MECOM: variants seen among roughly 807,000 people sequenced by gnomAD.
MECOM encodes MDS1 and EVI1 complex locus, also known as histone-lysine N-methyltransferase MECOM.
In MECOM, 13 loss-of-function variants were observed where a neutral mutation model predicts 116.3. The ratio of observed to expected loss-of-function variants is 0.11; its 90% CI spans 0.07 to 0.18. The LOEUF is 0.18. Ranked by LOEUF, MECOM falls within the 10% of genes least tolerant of loss-of-function variation. The probability of loss-of-function intolerance (pLI) is 1.00; values close to 1 mark genes in which losing one functional copy is unlikely to be tolerated. For synonymous variants in MECOM, 528 were observed against 535.2 expected (o/e 0.99, Z 0.19); for missense variants, 1,299 against 1,509.0 (o/e 0.86, Z 2.31).
At chr3:169,523,447 T>C (rs62295974) in intron 1 of MECOM, among the ~76,000 whole-genome samples, 1 of 139,284 alleles carries the variant, frequency 7.2e-6, no homozygotes, top group Middle Eastern at 3.6e-3. Flanking sequence ...TTTTTTTTTT[T>C]CCTAAGAGAG....
chr3:169,200,387 A>G lies in MECOM; in HGVS notation c.376-56555T>C, dbSNP rs930289008. On this transcript the variant is annotated intron_variant, in intron 2 of 16. Coordinates refer to ENST00000651503, the MANE Select transcript of MECOM (RefSeq NM_004991.4). ...TAATTTCAAATTATATGATAGATGT[A>G]TCCAAACTCACTTTTTATTTAATTA... Among the ~76,000 whole-genome samples the G allele has an allele frequency of 2.6e-5, 4 of 152,214 alleles. No homozygotes were observed. The East Asian group carries it at 7.7e-4, about 29-fold the overall frequency.
chr3:169,191,770 G>GAAAGAAAGAA (rs1559973988), intron 2 of MECOM, among the ~76,000 whole-genome samples: 53 of 136,624 alleles, frequency 3.9e-4, no homozygotes, highest in African/African-American at 1.5e-3. Flanking sequence ...AAGAAAGAAA[G>GAAAGAAAGAA]AAAGAAAGAA....
intron 2 of MECOM, among the ~76,000 whole-genome samples, chr3:169,298,085 T>C (rs2149708110): frequency 6.6e-6 from 1 of 152,280 alleles, no homozygotes; most frequent in Non-Finnish European, 1.5e-5. Context: ...AACAAACACA[T>C]TTCTTTTTAA....
At chr3:169,146,765 A>T in intron 2 of MECOM, 2 of 1,163,840 alleles carry the variant, frequency 1.7e-6, no homozygotes, top group South Asian at 1.8e-5. Context: ...ATAGGCATTC[A>T]CAGAAGAATC....
chr3:169,508,356 A>G (rs918061089), intron 1 of MECOM, among the ~76,000 whole-genome samples: 1 of 152,302 alleles, frequency 6.6e-6, no homozygotes, highest in African/African-American at 2.4e-5. Flanking sequence ...AAACTGGTGA[A>G]TGACACAAAA....
At chr3:169,256,629 G>A (rs1756898580) in intron 2 of MECOM, among the ~76,000 whole-genome samples, 1 of 152,198 alleles carries the variant, frequency 6.6e-6, no homozygotes, top group Non-Finnish European at 1.5e-5. Context: ...TAGTCCAAGA[G>A]GTAACACATC....
intron 9 of MECOM, among the ~76,000 whole-genome samples, chr3:169,109,704 C>T (rs1437324183): frequency 6.6e-6 from 1 of 152,196 alleles, no homozygotes; most frequent in African/African-American, 2.4e-5. Context: ...GCATGAGTCA[C>T]CGCACCCGGC....
Position 169,524,975 on chromosome 3 carries a change from T to TA in MECOM, c.37+138360dup, listed in dbSNP as rs10718770. 0.02 allele frequency among the ~76,000 whole-genome samples: 2,966 copies of TA among 147,112 alleles called. 226 individuals carry two copies. In the East Asian group the frequency reaches 0.3, roughly 15 times the overall value. On this transcript the variant is annotated intron_variant, in intron 1 of 16. Transcript: ENST00000651503. ...TAGAAAACTAAACTGCATACTTGTT[T>TA]AAAAAAAAAAAAGACATATTGTGAG...
chr3:169,239,298 C>G (rs1754484558), intron 2 of MECOM, among the ~76,000 whole-genome samples: 1 of 151,342 alleles, frequency 6.6e-6, no homozygotes, highest in Admixed American at 6.6e-5. Flanking sequence ...TAATGTAATA[C>G]CAATAAGGAG....
chr3:169,165,501 T>C (rs1559941144), intron 2 of MECOM, among the ~76,000 whole-genome samples: 1 of 152,292 alleles, frequency 6.6e-6, no homozygotes, highest in East Asian at 1.9e-4. Flanking sequence ...TCATGCTAAA[T>C]ACAAGAGATC....
intron 12 of MECOM, among the ~76,000 whole-genome samples, chr3:169,100,184 C>T (rs1346308269): frequency 6.7e-6 from 1 of 149,494 alleles, no homozygotes; most frequent in Non-Finnish European, 1.5e-5. Flanking sequence ...CTGCAACCTC[C>T]ACCTCCCAGG....
At chr3:169,412,215 G>T (rs1193985855) in intron 1 of MECOM, among the ~76,000 whole-genome samples, 2 of 151,354 alleles carry the variant, frequency 1.3e-5, no homozygotes, top group African/African-American at 2.4e-5. Flanking sequence ...GAACCCAGGA[G>T]GCGGAGGTTG....
intron 1 of MECOM, among the ~76,000 whole-genome samples, chr3:169,408,906 T>C (rs1404094843): frequency 6.6e-6 from 1 of 152,128 alleles, no homozygotes; most frequent in East Asian, 1.9e-4. Context: ...ACAGATTTGA[T>C]ATTGGCAATC....
intron 1 of MECOM, among the ~76,000 whole-genome samples, chr3:169,599,658 C>G (rs1767588265): frequency 6.6e-6 from 1 of 152,138 alleles, no homozygotes; most frequent in African/African-American, 2.4e-5. Context: ...ACAATCAATT[C>G]TCTCACTGGG....
chr3:169,085,056 GGA>G lies in MECOM; in HGVS notation c.3586-15_3586-14del, dbSNP rs1717207577. 4 of 1,613,568 alleles carry G rather than the reference GGA, an allele frequency of 2.5e-6. No individual in the cohort carries two copies. Among genetic ancestry groups the G allele is most frequent in the South Asian group, 2.2e-5 (2 of 90,994 alleles). On this transcript the variant is annotated splice_polypyrimidine_tract_variant and intron_variant, in intron 16 of 16. Coordinates refer to ENST00000651503, the MANE Select transcript of MECOM (RefSeq NM_004991.4). Reference sequence around the variant, plus strand: ...TCATAGCATATGCCTGGGGTAAAAAGGAGAGAGACTCAGTAAATGGCATTTGA... The same window carrying G: ...TCATAGCATATGCCTGGGGTAAAAAGGAGAGACTCAGTAAATGGCATTTGA...
intron 1 of MECOM, among the ~76,000 whole-genome samples, chr3:169,496,946 C>A (rs1248856999): frequency 6.6e-6 from 1 of 152,214 alleles, no homozygotes; most frequent in African/African-American, 2.4e-5. Flanking sequence ...GCCAAGCATG[C>A]ATAAACTTTA....
intron 1 of MECOM, among the ~76,000 whole-genome samples, chr3:169,536,283 G>T (rs1034338849): frequency 2.0e-5 from 3 of 151,326 alleles, no homozygotes; most frequent in Non-Finnish European, 4.4e-5. Context: ...TATTATTTTA[G>T]GATTAGGACC....
chr3:169,450,462 G>A (rs1201703630), intron 1 of MECOM, among the ~76,000 whole-genome samples: 1 of 151,766 alleles, frequency 6.6e-6, no homozygotes, highest in African/African-American at 2.4e-5. Flanking sequence ...AGCAAATCTT[G>A]AAGGAAACTT....
chr3:169,503,906 G>A (rs1754862994), intron 1 of MECOM, among the ~76,000 whole-genome samples: 1 of 152,020 alleles, frequency 6.6e-6, no homozygotes, highest in Non-Finnish European at 1.5e-5. Context: ...GCTAAATGAG[G>A]CATGCTAGTG....
Sources: allele counts gnomAD v4.1 joint callset (sites outside exome capture counted in the v4.1 genomes callset), GRCh38; gene constraint gnomAD v4.1.1; transcripts MANE v1.5; gene names NCBI Gene and HGNC (gene_info 2026-07-23, HGNC 2026-07-21).